SHE: variants seen among roughly 807,000 people sequenced by gnomAD.
SHE encodes Src homology 2 domain containing E.
Under a neutral mutation model 49.8 loss-of-function variants are expected in SHE, and 11 were observed. The ratio of observed to expected loss-of-function variants is 0.22; its 90% CI spans 0.14 to 0.37. SHE has a LOEUF of 0.37. Ranked by LOEUF, SHE falls within the 10% of genes least tolerant of loss-of-function variation. SHE has a pLI of 1.00. For missense variants in SHE, 624 were observed against 655.5 expected (o/e 0.95, Z 0.52); for synonymous variants, 310 against 278.1 (o/e 1.11, Z -1.14).
At position 154,482,648 on chromosome 1, in the gene SHE, G is replaced by A; in HGVS notation, c.*1501C>T. The A allele has an allele frequency of 7.1e-6, 7 of 985,418 alleles. No individual in the cohort carries two copies. Among genetic ancestry groups the A allele is most frequent in the Non-Finnish European group, 8.4e-6 (7 of 829,934 alleles). 61.0% of individuals were successfully genotyped at this position (985,418 alleles called of 1,614,324 possible). A position where few individuals can be genotyped will look rare whatever the true frequency, so the allele number is the denominator to read the frequency against. On this transcript the variant is annotated 3_prime_UTR_variant, in exon 6 of 6. Transcript: ENST00000304760. The stretch of plus-strand genomic sequence containing the variant: ...ACATCTGCTGAATTTTAATTCTGGA[G>A]CCATTCACCATAGTACTCTTCTCAC...
At position 154,482,163 on chromosome 1, in the gene SHE, G is replaced by A. The variant is rs1372685141; in HGVS notation, c.*1986C>T. The A allele has an allele frequency of 5.4e-5, 13 of 242,518 alleles. No individual in the cohort carries two copies. Among genetic ancestry groups the A allele is most frequent in the African/African-American group, 7.0e-5 (3 of 42,956 alleles). The allele number at this position is 242,518 out of a possible 1,614,324, so 15.0% of individuals were successfully genotyped here. Reference sequence around the variant, plus strand: ...CAAGCAGCTGGAACTACAGGTGCCCGCCACCGTGCCCAGCTAATTTTTGTA... The same window carrying A: ...CAAGCAGCTGGAACTACAGGTGCCCACCACCGTGCCCAGCTAATTTTTGTA... On this transcript the variant is annotated 3_prime_UTR_variant, in exon 6 of 6. Coordinates refer to ENST00000304760, the MANE Select transcript of SHE (RefSeq NM_001010846.3).
At chr1:154,487,389 A>G (rs1393157548) in intron 3 of SHE, among the ~76,000 whole-genome samples, 2 of 152,152 alleles carry the variant, frequency 1.3e-5, no homozygotes, top group African/African-American at 4.8e-5. Flanking sequence ...AACCAAACCA[A>G]TAGTTTTTAG....
At chr1:154,473,204 T>A (rs1691791809) in intron 1 of SHE, among the ~76,000 whole-genome samples, 2 of 151,950 alleles carry the variant, frequency 1.3e-5, no homozygotes, top group Admixed American at 1.3e-4. Flanking sequence ...TTCTCCGTGT[T>A]GGTCAGGCTG....
At chr1:154,499,591 T>C (rs1021856577) in intron 1 of SHE, among the ~76,000 whole-genome samples, 13 of 152,066 alleles carry the variant, frequency 8.5e-5, no homozygotes, top group Admixed American at 6.5e-5. Flanking sequence ...GTATGTGGCT[T>C]TACCACATAC....
At chr1:154,471,705 C>CTG (rs1346788067) in intron 1 of SHE, among the ~76,000 whole-genome samples, 69 of 150,152 alleles carry the variant, frequency 4.6e-4, no homozygotes, top group South Asian at 2.8e-3. Flanking sequence ...CTCTCTCTCT[C>CTG]TGTGTGTGTG....
chr1:154,478,179 C>A (rs1432320339), downstream of SHE, among the ~76,000 whole-genome samples: 5 of 152,112 alleles, frequency 3.3e-5, no homozygotes, highest in African/African-American at 1.2e-4. Context: ...ATGAAGCACA[C>A]CCTGCCCAGT....
intron 2 of SHE, among the ~76,000 whole-genome samples, chr1:154,496,227 G>A (rs1371587032): frequency 6.6e-6 from 1 of 152,110 alleles, no homozygotes; most frequent in Non-Finnish European, 1.5e-5. Flanking sequence ...TAAAATCCAC[G>A]AGTACAACTT....
intron 2 of SHE, among the ~76,000 whole-genome samples, chr1:154,490,979 G>A (rs1692344176): frequency 1.3e-5 from 2 of 152,306 alleles, no homozygotes; most frequent in South Asian, 4.1e-4. Flanking sequence ...ACCAGCCACA[G>A]TGAGAAGGAA....
chr1:154,501,363 A>C, intron 1 of SHE, 73 bp downstream of exon 1: 1 of 1,419,838 alleles, frequency 7.0e-7, no homozygotes, highest in Non-Finnish European at 9.7e-7. Context: ...AGGTCTAAAG[A>C]AGCCTAGGGC....
In SHE at chr1:154,489,159, TC is replaced by T. The variant is rs1227413374; in HGVS notation, c.915del (p.Lys306ArgfsTer52). Reference protein sequence around the residue: ...EPAEGGPRAEGKARPPDSRLP... With the variant: ...EPAEGGPRAEXKARPPDSRLP... ...AGCCGGCTGTCTGGGGGCCGCGCCT[TC>T]CCCTCTGCCCTGGGCCCCCCTTCTG... On this transcript the variant is annotated frameshift_variant, in exon 3 of 6. Coordinates refer to ENST00000304760, the MANE Select transcript of SHE (RefSeq NM_001010846.3). LOFTEE classifies it high-confidence loss of function. 2 of 1,614,098 alleles carry T rather than the reference TC, an allele frequency of 1.2e-6. No homozygotes were observed. The highest frequency in any genetic ancestry group is 1.7e-6 in the Non-Finnish European group (2 of 1,179,990).
In SHE at chr1:154,502,192, G is replaced by A. The variant is rs1692809145; in HGVS notation, c.-166C>T. 1 of 404,988 alleles carries A rather than the reference G, an allele frequency of 2.5e-6. No individual in the cohort carries two copies. The highest frequency in any genetic ancestry group is 6.5e-5 in the East Asian group (1 of 15,502). 25.1% of individuals were successfully genotyped at this position (404,988 alleles called of 1,614,324 possible). The stretch of plus-strand genomic sequence containing the variant: ...TCCGGACACGGCAGGCGACAGGCAC[G>A]ACGCGCGGGGGGCCCCGCCCGGGCT... On this transcript the variant is annotated 5_prime_UTR_variant, in exon 1 of 6. Coordinates refer to ENST00000304760, the MANE Select transcript of SHE (RefSeq NM_001010846.3).
chr1:154,480,392 C>G lies in SHE; in HGVS notation c.*3757G>C. The G allele has an allele frequency of 2.0e-6, 2 of 985,428 alleles. No individual in the cohort carries two copies. The highest frequency in any genetic ancestry group is 2.4e-6 in the Non-Finnish European group (2 of 829,940). 61.0% of individuals were successfully genotyped at this position (985,428 alleles called of 1,614,324 possible). On this transcript the variant is annotated 3_prime_UTR_variant, in exon 6 of 6. Transcript: ENST00000304760. ...GAACAGAAACTAACCCCACTTAACC[C>G]GCAACTGAAGAATGCCTCACAGTTA...
chr1:154,480,035 T>G lies in SHE; in HGVS notation c.*4114A>C, dbSNP rs1051464648. ...AGATGGCAGTAACGCACCATCTCTC[T>G]TCACACAGGGTCAGCGGTGGAGGGT... On this transcript the variant is annotated 3_prime_UTR_variant, in exon 6 of 6. Transcript: ENST00000304760. 2.0e-6 allele frequency: 2 copies of G among 985,412 alleles called. No homozygotes were observed. The highest frequency in any genetic ancestry group is 4.7e-5 in the South Asian group (1 of 21,298). The allele number at this position is 985,412 out of a possible 1,614,324, so 61.0% of individuals were successfully genotyped here. A position where few individuals can be genotyped will look rare whatever the true frequency, so the allele number is the denominator to read the frequency against.
At chr1:154,478,303 G>A (rs1691932909), downstream of SHE, among the ~76,000 whole-genome samples, 1 of 151,720 alleles carries the variant, frequency 6.6e-6, no homozygotes, top group South Asian at 2.1e-4. Context: ...AGAACCACAA[G>A]GCCACTGTGG....
At chr1:154,476,008 G>A (rs138622646), downstream of SHE, among the ~76,000 whole-genome samples, 2 of 152,304 alleles carry the variant, frequency 1.3e-5, no homozygotes, top group African/African-American at 2.4e-5. Context: ...ATTTTAAAAC[G>A]TGCAAGGGTT....
rs565863966 is a variant in SHE at position 154,472,527 on chromosome 1, G to T, written c.103-2165C>A. Among the ~76,000 whole-genome samples the T allele has an allele frequency of 2.0e-5, 3 of 152,320 alleles. 1 individual carries two copies. Among genetic ancestry groups the T allele is most frequent in the African/African-American group, 7.2e-5 (3 of 41,558 alleles). Reference sequence around the variant, plus strand: ...CCGTGAGTTCCACAATGAGGTGGATGCTGGGGGTTCCTCATACTTCCGGAC... The same window carrying T: ...CCGTGAGTTCCACAATGAGGTGGATTCTGGGGGTTCCTCATACTTCCGGAC... On this transcript the variant is annotated intron_variant, in intron 1 of 1. Coordinates refer to the SHE transcript ENST00000486773.
In SHE at chr1:154,485,900, T is replaced by A. The variant is rs563104594; in HGVS notation, c.1301+43A>T. The A allele has an allele frequency of 1.9e-6, 3 of 1,600,378 alleles. No individual in the cohort carries two copies. In the Admixed American group the frequency reaches 5.0e-5, roughly 27 times the overall value. On this transcript the variant is annotated intron_variant, in intron 5 of 5. Coordinates refer to ENST00000304760, the MANE Select transcript of SHE (RefSeq NM_001010846.3). ...TTGACTAGAAGACTGTCACACAGTG[T>A]TCCTTCCCCTTGGAGATGAGGAAAG...
chr1:154,480,472 CAG>C lies in SHE; in HGVS notation c.*3675_*3676del, dbSNP rs1691989797. On this transcript the variant is annotated 3_prime_UTR_variant, in exon 6 of 6. Transcript: ENST00000304760. ...ACAACAGCCAATAACAGACTAGTAACAGAGTTACATAATCCAATTAACAAATT... is the reference window on the plus strand; with the variant it reads ...ACAACAGCCAATAACAGACTAGTAACAGTTACATAATCCAATTAACAAATT... 2 of 985,326 alleles carry C rather than the reference CAG, an allele frequency of 2.0e-6. No individual in the cohort carries two copies. The highest frequency in any genetic ancestry group is 2.4e-6 in the Non-Finnish European group (2 of 829,928). 61.0% of individuals were successfully genotyped at this position (985,326 alleles called of 1,614,324 possible).
At chr1:154,489,477 G>T in intron 2 of SHE, 121 bp from the exon 3 acceptor site, 1 of 1,243,780 alleles carries the variant, frequency 8.0e-7, no homozygotes. Flanking sequence ...TCTGGGTGAA[G>T]GTGGCAGATA....
Sources: gnomAD v4.1 joint callset for allele counts (sites outside exome capture counted in the v4.1 genomes callset) on GRCh38, gnomAD v4.1.1 for gene constraint, MANE v1.5 for transcripts, NCBI Gene and HGNC (gene_info 2026-07-23, HGNC 2026-07-21) for gene names.